Variants in RFTN1 observed in about 807,000 individuals in gnomAD.
RFTN1 encodes raftlin.
A neutral mutation model predicts 46.5 loss-of-function variants in RFTN1; 26 were observed. That is an observed-to-expected ratio of 0.56 (90% confidence interval 0.41 to 0.78). The LOEUF (loss-of-function observed/expected upper bound fraction) is 0.78. Ranked by LOEUF, RFTN1 falls within the 30% of genes least tolerant of loss-of-function variation. The pLI, the probability that RFTN1 is intolerant of heterozygous loss-of-function variation, is 0.00. For missense variants in RFTN1, 693 were observed against 718.7 expected, an observed-to-expected ratio of 0.96 and a Z score of 0.41; for synonymous variants, 261 against 284.2, an observed-to-expected ratio of 0.92 and a Z score of 0.82.
At position 16,498,357 on chromosome 3, in the gene RFTN1, C is replaced by T. The variant is rs2076656613; in HGVS notation, c.-8-4480G>A. Among the ~76,000 whole-genome samples, 1 of 152,198 alleles carries T rather than the reference C, an allele frequency of 6.6e-6. No individual in the cohort carries two copies. The highest frequency in any genetic ancestry group is 6.5e-5 in the Admixed American group (1 of 15,272). On this transcript the variant is annotated intron_variant, in intron 1 of 9. Coordinates refer to ENST00000334133, the MANE Select transcript of RFTN1 (RefSeq NM_015150.2). This position sits in a 1 kb window ranked among gnomAD's most constrained non-coding sequence, Gnocchi z 5.2. ...CCAAGCCAGCTGTCTCTGTACCTCACTTCTCTTTTCTGTACACAAAACACT... is the reference window on the plus strand; with the variant it reads ...CCAAGCCAGCTGTCTCTGTACCTCATTTCTCTTTTCTGTACACAAAACACT...
rs1196110953 is a variant in RFTN1, at chr3:16,500,651, G to T, written c.-8-6774C>A. ...TCTGGAAACAAAGATCCCTTGAATG[G>T]TGATCTTCTGGAAAAAATTTTGGCT... On this transcript the variant is annotated intron_variant, in intron 1 of 9. Coordinates refer to ENST00000334133, the MANE Select transcript of RFTN1 (RefSeq NM_015150.2). This position sits in a 1 kb window ranked among gnomAD's most constrained non-coding sequence, Gnocchi z 5.9. Among the ~76,000 whole-genome samples, 1 of 152,194 alleles carries T rather than the reference G, an allele frequency of 6.6e-6. No individual in the cohort carries two copies. The highest frequency in any genetic ancestry group is 1.5e-5 in the Non-Finnish European group (1 of 68,028).
At position 16,387,304 on chromosome 3, in the gene RFTN1, G is replaced by A. The variant is rs1024497206; in HGVS notation, c.442-9202C>T. On this transcript the variant is annotated intron_variant, in intron 4 of 9. Coordinates refer to ENST00000334133, the MANE Select transcript of RFTN1 (RefSeq NM_015150.2). The surrounding 1 kb of genome is among the most constrained non-coding windows in gnomAD (Gnocchi z 5.2). ...TGGCTCCCTTCCTCCCTGATCAGCT[G>A]TCTTGTGCTTCCCCAGGGCTTTCTC... Among the ~76,000 whole-genome samples, 5 of 152,220 alleles carry A rather than the reference G, an allele frequency of 3.3e-5. No individual in the cohort carries two copies. Among genetic ancestry groups the A allele is most frequent in the Admixed American group, 6.5e-5 (1 of 15,284 alleles).
In RFTN1 at chr3:16,407,789, C is replaced by T. The variant is rs1018700685; in HGVS notation, c.441+1586G>A. On this transcript the variant is annotated intron_variant, in intron 4 of 9. Coordinates refer to ENST00000334133, the MANE Select transcript of RFTN1 (RefSeq NM_015150.2). This position sits in a 1 kb window ranked among gnomAD's most constrained non-coding sequence, Gnocchi z 4.0. ...TGCGTATGTGAACAAAAGCTACTTCCCCCCTCCCCCATTTCTTAAATAATA... is the reference window on the plus strand; with the variant it reads ...TGCGTATGTGAACAAAAGCTACTTCTCCCCTCCCCCATTTCTTAAATAATA... Among the ~76,000 whole-genome samples, 18 of 152,022 alleles carry T rather than the reference C, an allele frequency of 1.2e-4. No homozygotes were observed. The highest frequency in any genetic ancestry group is 4.1e-4 in the African/African-American group (17 of 41,364).
intron 4 of RFTN1, among the ~76,000 whole-genome samples, chr3:16,397,412 A>C (rs1356160315): frequency 1.3e-5 from 2 of 152,226 alleles, no homozygotes; most frequent in African/African-American, 2.4e-5. Context: ...ATAAGTCTGG[A>C]GATCTAATGC....
Position 16,353,485 on chromosome 3 carries a change from T to G in RFTN1, c.1146+4447A>C, listed in dbSNP as rs1010109981. On this transcript the variant is annotated intron_variant, in intron 7 of 9. Coordinates refer to ENST00000334133, the MANE Select transcript of RFTN1 (RefSeq NM_015150.2). This position sits in a 1 kb window ranked among gnomAD's most constrained non-coding sequence, Gnocchi z 5.4. ...TCCCCTAAGACAGGGATTCTCAAGGTGGGGTTCCCACACCAGCAGCAGCAG... is the reference window on the plus strand; with the variant it reads ...TCCCCTAAGACAGGGATTCTCAAGGGGGGGTTCCCACACCAGCAGCAGCAG... 6.6e-6 allele frequency among the ~76,000 whole-genome samples: 1 copy of G among 152,266 alleles called. No homozygotes were observed. The highest frequency in any genetic ancestry group is 2.1e-4 in the South Asian group (1 of 4,830).
chr3:16,501,805 T>C (rs905064638), intron 1 of RFTN1, among the ~76,000 whole-genome samples: 2 of 152,212 alleles, frequency 1.3e-5, no homozygotes, highest in Admixed American at 6.5e-5. Context: ...AGTATTCAGA[T>C]GGTGTCAGAC....
chr3:16,415,294 G>A lies in RFTN1; in HGVS notation c.333-5811C>T, dbSNP rs180898317. ...GGATGACTTTGCCAGAACTATCATG[G>A]GGAAGGGTTGGGTGGCACAGGCTTA... On this transcript the variant is annotated intron_variant, in intron 3 of 9. Transcript: ENST00000334133. Among the ~76,000 whole-genome samples the A allele has an allele frequency of 1.2e-3, 189 of 151,862 alleles. 3 individuals carry two copies. The highest frequency in any genetic ancestry group is 7.7e-4 in the Non-Finnish European group (52 of 67,938).
At chr3:16,408,354 G>A (rs1322477537) in intron 4 of RFTN1, among the ~76,000 whole-genome samples, 1 of 151,964 alleles carries the variant, frequency 6.6e-6, no homozygotes, top group Non-Finnish European at 1.5e-5. Context: ...CTGTATCCCA[G>A]CATCTAGTAC....
At chr3:16,478,141 A>G (rs1470760966) in intron 2 of RFTN1, among the ~76,000 whole-genome samples, 12 of 152,166 alleles carry the variant, frequency 7.9e-5, no homozygotes. Flanking sequence ...TCCTCTGGAA[A>G]ATTGTCCCCA....
chr3:16,330,510 C>T (rs1199604361), intron 7 of RFTN1, among the ~76,000 whole-genome samples: 2 of 152,182 alleles, frequency 1.3e-5, no homozygotes, highest in African/African-American at 2.4e-5. Context: ...GAGAAGAAAG[C>T]ACCAACAACA....
intron 2 of RFTN1, among the ~76,000 whole-genome samples, chr3:16,491,788 AAAC>A (rs1234272528): frequency 1.3e-5 from 2 of 152,116 alleles, no homozygotes; most frequent in Non-Finnish European, 2.9e-5. Flanking sequence ...CAAAAAAAAA[AAAC>A]AACTGCAAAT....
At chr3:16,508,923 A>G (rs1428929521) in intron 1 of RFTN1, among the ~76,000 whole-genome samples, 7 of 152,244 alleles carry the variant, frequency 4.6e-5, no homozygotes, top group Non-Finnish European at 1.0e-4. Context: ...AGTAGCCACT[A>G]ACCACACGTG....
chr3:16,479,980 C>T lies in RFTN1; in HGVS notation c.145+13745G>A, dbSNP rs1384317049. The stretch of plus-strand genomic sequence containing the variant: ...CAGATATAGGAGAACAGACACCAGA[C>T]TAGGACATTAAAAACTCCAGAATTT... On this transcript the variant is annotated intron_variant, in intron 2 of 9. Transcript: ENST00000334133. The surrounding 1 kb of genome is among the most constrained non-coding windows in gnomAD (Gnocchi z 5.1). 6.6e-6 allele frequency among the ~76,000 whole-genome samples: 1 copy of T among 152,212 alleles called. No individual in the cohort carries two copies. Among genetic ancestry groups the T allele is most frequent in the Non-Finnish European group, 1.5e-5 (1 of 68,032 alleles).
rs556540730 is a variant in RFTN1 at position 16,420,956 on chromosome 3, T to C, written c.333-11473A>G. On this transcript the variant is annotated intron_variant, in intron 3 of 9. Transcript: ENST00000334133. Reference sequence around the variant, plus strand: ...GATGCTGCTGGTGCATGGACCACACTTTGAGTAGCAAGATTCCGACTGCTT... The same window carrying C: ...GATGCTGCTGGTGCATGGACCACACCTTGAGTAGCAAGATTCCGACTGCTT... Among the ~76,000 whole-genome samples the C allele has an allele frequency of 3.5e-4, 54 of 152,280 alleles. 2 individuals carry two copies. The South Asian group carries it at 0.011, about 31-fold the overall frequency.
In RFTN1 at chr3:16,345,815, T is replaced by TGC. The variant is rs1283915385; in HGVS notation, c.1146+12116_1146+12117insGC. On this transcript the variant is annotated intron_variant, in intron 7 of 9. Coordinates refer to ENST00000334133, the MANE Select transcript of RFTN1 (RefSeq NM_015150.2). This position sits in a 1 kb window ranked among gnomAD's most constrained non-coding sequence, Gnocchi z 5.2. ...GTGTGTGTGTGTGTGTGTGTGTGTG[T>TGC]GTGCGCGCGCGCGTGCGCGCACGCG... 4.4e-4 allele frequency among the ~76,000 whole-genome samples: 36 copies of TGC among 82,390 alleles called. No individual in the cohort carries two copies. Among genetic ancestry groups the TGC allele is most frequent in the African/African-American group, 2.5e-3 (33 of 13,392 alleles). 54.1% of individuals were successfully genotyped at this position (82,390 alleles called of 152,430 possible). A position where few individuals can be genotyped will look rare whatever the true frequency, so the allele number is the denominator to read the frequency against.
At position 16,320,633 on chromosome 3, in the gene RFTN1, G is replaced by A. The variant is rs2068940454; in HGVS notation, c.1332+2743C>T. On this transcript the variant is annotated intron_variant, in intron 9 of 9. Coordinates refer to ENST00000334133, the MANE Select transcript of RFTN1 (RefSeq NM_015150.2). The surrounding 1 kb of genome is among the most constrained non-coding windows in gnomAD (Gnocchi z 4.5). ...TGGTTCTTTTCCAGGGTAGTACAAA[G>A]GAGTCTGGTTTGGTATAAAAGGAGA... is the stretch of plus-strand genomic sequence containing the variant. Among the ~76,000 whole-genome samples, 1 of 152,222 alleles carries A rather than the reference G, an allele frequency of 6.6e-6. No homozygotes were observed. The highest frequency in any genetic ancestry group is 6.5e-5 in the Admixed American group (1 of 15,288).
At position 16,507,856 on chromosome 3, in the gene RFTN1, C is replaced by T. The variant is rs545941180; in HGVS notation, c.-9+5586G>A. Among the ~76,000 whole-genome samples, 19 of 151,938 alleles carry T rather than the reference C, an allele frequency of 1.3e-4. No homozygotes were observed. The East Asian group carries it at 3.3e-3, about 26-fold the overall frequency. Reference sequence around the variant, plus strand: ...ACACACACATACACACATATATATACACACACACATGCACACATATGAAAG... The same window carrying T: ...ACACACACATACACACATATATATATACACACACATGCACACATATGAAAG... On this transcript the variant is annotated intron_variant, in intron 1 of 9. Coordinates refer to ENST00000334133, the MANE Select transcript of RFTN1 (RefSeq NM_015150.2). The surrounding 1 kb of genome is among the most constrained non-coding windows in gnomAD (Gnocchi z 7.1).
At chr3:16,371,679 A>G (rs2073509867) in intron 5 of RFTN1, among the ~76,000 whole-genome samples, 1 of 152,218 alleles carries the variant, frequency 6.6e-6, no homozygotes, top group African/African-American at 2.4e-5. Flanking sequence ...TCCATCCAAT[A>G]GAACAATTAG....
At position 16,345,314 on chromosome 3, in the gene RFTN1, T is replaced by C. The variant is rs1014007764; in HGVS notation, c.1146+12618A>G. ...TGTGTGTGTGTGTTTAAAGCTGTTA[T>C]AGAATTATCTCCCACTTTTTTATCT... On this transcript the variant is annotated intron_variant, in intron 7 of 9. Transcript: ENST00000334133. This position sits in a 1 kb window ranked among gnomAD's most constrained non-coding sequence, Gnocchi z 5.2. 7.3e-6 allele frequency: 1 copy of C among 137,890 alleles called. No individual in the cohort carries two copies. Among genetic ancestry groups the C allele is most frequent in the Non-Finnish European group, 1.5e-5 (1 of 67,044 alleles). 8.5% of individuals were successfully genotyped at this position (137,890 alleles called of 1,614,324 possible). A position where few individuals can be genotyped will look rare whatever the true frequency, so the allele number is the denominator to read the frequency against.
Sources: gnomAD v4.1 joint callset for allele counts (sites outside exome capture counted in the v4.1 genomes callset) on GRCh38, gnomAD v4.1.1 for gene constraint, Gnocchi (gnomAD v3.1) non-coding constraint, MANE v1.5 for transcripts, NCBI Gene and HGNC (gene_info 2026-07-23, HGNC 2026-07-21) for gene names.